TOX: variants seen among roughly 807,000 people sequenced by gnomAD.
TOX encodes thymocyte selection associated high mobility group box.
Under a neutral mutation model 53.7 loss-of-function variants are expected in TOX, and 11 were observed. The observed-to-expected ratio is 0.20, with a 90% CI of 0.13 to 0.34. The LOEUF is 0.34. Among genes scored for constraint, TOX ranks in the 10% least tolerant of loss-of-function variants. The pLI is 1.00. For synonymous variants in TOX, 225 were observed against 245.3 expected, an observed-to-expected ratio of 0.92 and a Z score of 0.77; for missense variants, 570 against 664.6, an observed-to-expected ratio of 0.86 and a Z score of 1.56.
chr8:59,107,046 T>TGCG lies in TOX; in HGVS notation c.102+11839_102+11840insCGC, dbSNP rs35882293. Among the ~76,000 whole-genome samples, 68 of 58,210 alleles carry TGCG rather than the reference T, an allele frequency of 1.2e-3. 11 individuals carry two copies. Among genetic ancestry groups the TGCG allele is most frequent in the East Asian group, 1.4e-3 (2 of 1,430 alleles). The allele number at this position is 58,210 out of a possible 152,430, so 38.2% of individuals were successfully genotyped here. On this transcript the variant is annotated intron_variant, in intron 1 of 8. Coordinates refer to ENST00000361421, the MANE Select transcript of TOX (RefSeq NM_014729.3). ...ACAATGATCTTATAAAGCAGTTTGC[T>TGCG]GGGGGGGGGGGGAACGTGACATTTC...
intron 2 of TOX, among the ~76,000 whole-genome samples, chr8:58,954,238 C>A (rs1476494715): frequency 6.6e-6 from 1 of 152,108 alleles, no homozygotes; most frequent in Admixed American, 6.5e-5. Flanking sequence ...TATAAGGGCA[C>A]TGACACAAAG....
intron 6 of TOX, among the ~76,000 whole-genome samples, chr8:58,826,612 T>G (rs1372075814): frequency 6.6e-6 from 1 of 152,164 alleles, no homozygotes. Context: ...GTGGACAATA[T>G]TTTAGAAATG....
intron 1 of TOX, among the ~76,000 whole-genome samples, chr8:59,100,321 T>C (rs1288385571): frequency 6.6e-6 from 1 of 152,206 alleles, no homozygotes; most frequent in African/African-American, 2.4e-5. Context: ...TGCTGGAACA[T>C]TAAAAATTCA....
intron 1 of TOX, among the ~76,000 whole-genome samples, chr8:59,045,843 T>C (rs1241016590): frequency 6.6e-6 from 1 of 152,218 alleles, no homozygotes; most frequent in African/African-American, 2.4e-5. Context: ...CCTGTGATTA[T>C]CATGGAATGA....
chr8:58,937,291 G>A (rs891359099), intron 3 of TOX, among the ~76,000 whole-genome samples: 1 of 152,218 alleles, frequency 6.6e-6, no homozygotes, highest in East Asian at 1.9e-4. Flanking sequence ...CCTGCAAAGT[G>A]TTGAAAGTTC....
At chr8:58,987,702 A>G (rs1459173299) in intron 1 of TOX, among the ~76,000 whole-genome samples, 1 of 152,198 alleles carries the variant, frequency 6.6e-6, no homozygotes, top group African/African-American at 2.4e-5. Flanking sequence ...GGCCAGATGA[A>G]GTAGTGCCTG....
chr8:58,860,360 G>T (rs1810988990), intron 3 of TOX, among the ~76,000 whole-genome samples: 1 of 152,202 alleles, frequency 6.6e-6, no homozygotes, highest in East Asian at 1.9e-4. Context: ...GTGCCCTGAT[G>T]CAGCTCACTT....
intron 1 of TOX, among the ~76,000 whole-genome samples, chr8:59,027,760 C>T (rs1241523023): frequency 6.6e-6 from 1 of 152,064 alleles, no homozygotes; most frequent in African/African-American, 2.4e-5. Flanking sequence ...CTGATGAACT[C>T]CCATTAGCCT....
intron 1 of TOX, among the ~76,000 whole-genome samples, chr8:59,054,733 TTCTCCACCAAG>T (rs1294284501): frequency 1.4e-5 from 2 of 145,980 alleles, no homozygotes; most frequent in East Asian, 5.4e-4. Context: ...TACAGAAATG[TTCTCCACCAAG>T]TACCAACAGC....
intron 2 of TOX, among the ~76,000 whole-genome samples, chr8:58,946,955 A>G (rs1563397544): frequency 6.6e-6 from 1 of 152,148 alleles, no homozygotes; most frequent in African/African-American, 2.4e-5. Flanking sequence ...ATCTTCTTTT[A>G]GTTGCATTTA....
chr8:59,092,263 TTTTATATATATA>T (rs1401416951), intron 1 of TOX, among the ~76,000 whole-genome samples: 1 of 48,828 alleles, frequency 2.0e-5, no homozygotes, highest in African/African-American at 1.2e-4. Context: ...TATATATATA[TTTTATATATATA>T]TATATATTAT....
At chr8:59,096,900 T>G (rs1330943455) in intron 1 of TOX, among the ~76,000 whole-genome samples, 1 of 152,242 alleles carries the variant, frequency 6.6e-6, no homozygotes, top group Non-Finnish European at 1.5e-5. Context: ...GGGTAGAGAC[T>G]TCTTCATCTG....
rs772698656 is a variant in TOX, at chr8:58,896,184, T to A, written c.411+43118A>T. Among the ~76,000 whole-genome samples, 83 of 152,188 alleles carry A rather than the reference T, an allele frequency of 5.5e-4. 1 individual carries two copies. Among genetic ancestry groups the A allele is most frequent in the Non-Finnish European group, 1.0e-3 (71 of 68,020 alleles). On this transcript the variant is annotated intron_variant, in intron 3 of 8. Coordinates refer to ENST00000361421, the MANE Select transcript of TOX (RefSeq NM_014729.3). Reference sequence around the variant, plus strand: ...TCCAGTCCTGACACAGACAGACGAATCAGGCCATGGCCAGCCCACATGGAG... The same window carrying A: ...TCCAGTCCTGACACAGACAGACGAAACAGGCCATGGCCAGCCCACATGGAG...
intron 7 of TOX, among the ~76,000 whole-genome samples, chr8:58,812,265 A>G (rs151295446): frequency 2.0e-5 from 3 of 152,252 alleles, no homozygotes; most frequent in African/African-American, 4.8e-5. Context: ...TTTTAGGATT[A>G]TCAGTTCTCT....
chr8:59,079,041 T>C (rs1021219375), intron 1 of TOX, among the ~76,000 whole-genome samples: 1 of 152,210 alleles, frequency 6.6e-6, no homozygotes, highest in Non-Finnish European at 1.5e-5. Flanking sequence ...TTAGGGTATC[T>C]GGTGGAAGAA....
Position 59,118,334 on chromosome 8 carries a change from C to G in TOX, c.102+552G>C, listed in dbSNP as rs1330065970. 6.6e-6 allele frequency among the ~76,000 whole-genome samples: 1 copy of G among 152,188 alleles called. No homozygotes were observed. Among genetic ancestry groups the G allele is most frequent in the African/African-American group, 2.4e-5 (1 of 41,442 alleles). ...CCGAACCCGGGCTCGGCTGCCGGAA[C>G]CGGTTTGAGAAAACAAAAGAGTTGT... On this transcript the variant is annotated intron_variant, in intron 1 of 8. Coordinates refer to ENST00000361421, the MANE Select transcript of TOX (RefSeq NM_014729.3). The surrounding 1 kb of genome is among the most constrained non-coding windows in gnomAD (Gnocchi z 4.1).
chr8:59,010,306 T>C (rs536246875), intron 1 of TOX, among the ~76,000 whole-genome samples: 1 of 152,330 alleles, frequency 6.6e-6, no homozygotes, highest in East Asian at 1.9e-4. Flanking sequence ...TAGTTCATAT[T>C]AGCAATTATT....
chr8:58,817,613 TTAAG>T (rs1228484519), intron 6 of TOX, among the ~76,000 whole-genome samples: 3 of 152,212 alleles, frequency 2.0e-5, no homozygotes, highest in African/African-American at 7.2e-5. Context: ...GTCTGTGTGT[TTAAG>T]TAATCTGGAA....
chr8:59,085,249 G>T (rs1207695132), intron 1 of TOX, among the ~76,000 whole-genome samples: 1 of 152,172 alleles, frequency 6.6e-6, no homozygotes, highest in Non-Finnish European at 1.5e-5. Context: ...ACAATTTTTA[G>T]CTACCAGCAA....
Sources: gnomAD v4.1 joint callset for allele counts (sites outside exome capture counted in the v4.1 genomes callset) on GRCh38, gnomAD v4.1.1 for gene constraint, Gnocchi (gnomAD v3.1) non-coding constraint, MANE v1.5 for transcripts, NCBI Gene and HGNC (gene_info 2026-07-23, HGNC 2026-07-21) for gene names.